Variants in PTGER3 observed in about 807,000 individuals in gnomAD.
The protein encoded by PTGER3 is prostaglandin E receptor 3.
A neutral mutation model predicts 34.7 loss-of-function variants in PTGER3; 22 were observed. The observed-to-expected ratio is 0.63, with a 90% CI of 0.45 to 0.91. The LOEUF is 0.91. Among genes scored for constraint, PTGER3 ranks in the 40% least tolerant of loss-of-function variants. The probability of loss-of-function intolerance (pLI) is 0.00; values close to 1 mark genes in which losing one functional copy is unlikely to be tolerated. For missense variants in PTGER3, 468 were observed against 519.4 expected, an observed-to-expected ratio of 0.90 and a Z score of 0.96; for synonymous variants, 241 against 230.1, an observed-to-expected ratio of 1.05 and a Z score of -0.43.
chr1:70,883,170 A>C (rs1646428216), intron 4 of PTGER3, among the ~76,000 whole-genome samples: 1 of 152,136 alleles, frequency 6.6e-6, no homozygotes, highest in Non-Finnish European at 1.5e-5. Flanking sequence ...CACAGTTGAA[A>C]CTTGTTGAAC....
rs537168174 is a variant in PTGER3, at chr1:71,012,084, C to T, written c.1077+221G>A. 10 of 1,489,766 alleles carry T rather than the reference C, an allele frequency of 6.7e-6. No homozygotes were observed. The African/African-American group carries it at 8.4e-5, about 12-fold the overall frequency. The allele number at this position is 1,489,766 out of a possible 1,614,324, so 92.3% of individuals were successfully genotyped here. Reference sequence around the variant, plus strand: ...ATAGGGATTTTCTATGCTTCTAAGACCATTTAGCTTTATACCAAAAATTCC... The same window carrying T: ...ATAGGGATTTTCTATGCTTCTAAGATCATTTAGCTTTATACCAAAAATTCC... On this transcript the variant is annotated intron_variant, in intron 2 of 3. Coordinates refer to ENST00000306666, the MANE Select transcript of PTGER3 (RefSeq NM_198719.2).
chr1:71,036,335 A>G (rs1659818575), intron 1 of PTGER3, among the ~76,000 whole-genome samples: 1 of 152,168 alleles, frequency 6.6e-6, no homozygotes, highest in Admixed American at 6.5e-5. Context: ...GGGAAAAGAC[A>G]TACAAGCCTT....
chr1:70,951,089 C>T (rs1164530823), downstream of PTGER3: 4 of 152,168 alleles, frequency 2.6e-5, no homozygotes, highest in South Asian at 8.3e-4. Context: ...TTAATGTGTC[C>T]AATAGAAACT....
At chr1:70,972,115 CA>C (rs1386994506) in intron 3 of PTGER3, among the ~76,000 whole-genome samples, 6 of 152,046 alleles carry the variant, frequency 3.9e-5, no homozygotes, top group Non-Finnish European at 8.8e-5. Flanking sequence ...ATCATGAGGT[CA>C]AGAGATCAAG....
At chr1:70,867,909 A>G (rs879695072) in intron 4 of PTGER3, among the ~76,000 whole-genome samples, 7 of 152,314 alleles carry the variant, frequency 4.6e-5, no homozygotes, top group Admixed American at 3.3e-4. Context: ...TTAGATTGCA[A>G]ACAGACAGCA....
intron 2 of PTGER3, among the ~76,000 whole-genome samples, chr1:70,991,738 C>T (rs528728615): frequency 1.4e-4 from 21 of 152,194 alleles, no homozygotes; most frequent in African/African-American, 5.1e-4. Flanking sequence ...GTTCTATGTC[C>T]CATTCCTCTA....
chr1:70,875,067 C>G (rs1646246156), intron 4 of PTGER3, among the ~76,000 whole-genome samples: 1 of 152,190 alleles, frequency 6.6e-6, no homozygotes, highest in Non-Finnish European at 1.5e-5. Context: ...CTTCTCCCTT[C>G]CCCTAGTGTT....
intron 4 of PTGER3, among the ~76,000 whole-genome samples, chr1:70,858,165 T>A (rs1572469656): frequency 6.6e-6 from 1 of 151,720 alleles, no homozygotes; most frequent in East Asian, 1.9e-4. Context: ...GAGGCAATGA[T>A]CTACTGAGCT....
chr1:70,865,618 T>A, intron 4 of PTGER3: 1 of 1,303,802 alleles, frequency 7.7e-7, no homozygotes, highest in Non-Finnish European at 1.0e-6. Flanking sequence ...TTTTGGAGCA[T>A]GTTTCATTAG....
chr1:70,872,930 C>T (rs946547416), intron 4 of PTGER3, among the ~76,000 whole-genome samples: 1 of 152,152 alleles, frequency 6.6e-6, no homozygotes. Flanking sequence ...CACATAACAC[C>T]TCCCTGGGGT....
intron 2 of PTGER3, among the ~76,000 whole-genome samples, chr1:70,975,809 A>C (rs1252223346): frequency 6.6e-6 from 1 of 152,180 alleles, no homozygotes; most frequent in Non-Finnish European, 1.5e-5. Context: ...TTGGAGGAGA[A>C]AGGAGAACAG....
chr1:70,918,465 A>G (rs538734890), intron 4 of PTGER3, among the ~76,000 whole-genome samples: 8 of 152,204 alleles, frequency 5.3e-5, no homozygotes, highest in South Asian at 4.1e-4. Context: ...AGTGGAGACT[A>G]CCTACAAAGT....
chr1:71,006,331 A>C, intron 2 of PTGER3: 1 of 985,412 alleles, frequency 1.0e-6, no homozygotes, highest in Non-Finnish European at 1.2e-6. Context: ...CATTTGACAG[A>C]GCTTCTCCCT....
chr1:70,869,807 G>T (rs1646124908), intron 4 of PTGER3, among the ~76,000 whole-genome samples: 2 of 152,192 alleles, frequency 1.3e-5, no homozygotes, highest in Admixed American at 1.3e-4. Flanking sequence ...GCTCTGGCCT[G>T]TAGCTTCGCA....
intron 4 of PTGER3, among the ~76,000 whole-genome samples, chr1:70,889,435 A>G (rs2100264921): frequency 6.6e-6 from 1 of 150,848 alleles, no homozygotes; most frequent in East Asian, 1.9e-4. Context: ...AAAAAAAAAA[A>G]GATTGTTCTC....
At position 70,899,940 on chromosome 1, in the gene PTGER3, T is replaced by C. The variant is rs555497213; in HGVS notation, c.*24-47081A>G. Reference sequence around the variant, plus strand: ...ACTTCACTAGACTTTCTGGATGCAATGACTGTAATGGTAGGAATTTTGAAT... The same window carrying C: ...ACTTCACTAGACTTTCTGGATGCAACGACTGTAATGGTAGGAATTTTGAAT... On this transcript the variant is annotated intron_variant, in intron 4 of 4. Coordinates refer to the PTGER3 transcript ENST00000370931. Among the ~76,000 whole-genome samples the C allele has an allele frequency of 2.0e-5, 3 of 152,242 alleles. No individual in the cohort carries two copies. The East Asian group carries it at 5.8e-4, about 29-fold the overall frequency.
At chr1:71,011,030 A>G (rs1245753007) in intron 2 of PTGER3, 1 of 985,666 alleles carries the variant, frequency 1.0e-6, no homozygotes, top group African/African-American at 1.7e-5. Flanking sequence ...AATGCACCAA[A>G]GAATATGGCA....
At chr1:70,913,942 C>T (rs1028445180) in intron 4 of PTGER3, among the ~76,000 whole-genome samples, 6 of 151,768 alleles carry the variant, frequency 4.0e-5, no homozygotes, top group African/African-American at 7.2e-5. Flanking sequence ...ACTCTTGTAA[C>T]GTCTTTTTTG....
intron 4 of PTGER3, among the ~76,000 whole-genome samples, chr1:70,876,660 A>G (rs1043736800): frequency 2.0e-5 from 3 of 152,004 alleles, no homozygotes; most frequent in Non-Finnish European, 2.9e-5. Context: ...TCCACATTCA[A>G]TCATCTGCGT....
Sources: allele counts gnomAD v4.1 joint callset (sites outside exome capture counted in the v4.1 genomes callset), GRCh38; gene constraint gnomAD v4.1.1; transcripts MANE v1.5; gene names NCBI Gene and HGNC (gene_info 2026-07-23, HGNC 2026-07-21).